The following SYNE2 variants were observed in gnomAD, a reference collection of about 807,000 sequenced individuals.
The protein encoded by SYNE2 is spectrin repeat containing nuclear envelope protein 2, also known as nesprin-2.
SYNE2 carries 431 observed loss-of-function variants against 856.3 expected under a neutral mutation model. That is an observed-to-expected ratio of 0.50 (90% CI 0.47 to 0.55). The LOEUF is 0.55. Ranked by LOEUF, SYNE2 falls within the 20% of genes least tolerant of loss-of-function variation. SYNE2 has a pLI of 0.00. For missense variants in SYNE2, 8,129 were observed against 8,023.2 expected (o/e 1.01, Z -0.50); for synonymous variants, 2,923 against 2,872.3 (o/e 1.02, Z -0.56).
At chr14:63,974,884 G>GTATATATATA (rs1261730365) in intron 11 of SYNE2, among the ~76,000 whole-genome samples, 23 of 27,272 alleles carry the variant, frequency 8.4e-4, no homozygotes, top group East Asian at 1.3e-3. Flanking sequence ...GTGTGTGTGT[G>GTATATATATA]TGTGTGTGTA....
intron 2 of SYNE2, among the ~76,000 whole-genome samples, chr14:63,924,590 A>G (rs967781779): frequency 3.3e-5 from 5 of 152,118 alleles, no homozygotes; most frequent in Admixed American, 1.3e-4. Flanking sequence ...TGTTAAATCT[A>G]TTGGTAAGTA....
rs1007865427 is a variant in SYNE2 at position 63,991,060 on chromosome 14, C to T, written c.2591C>T (p.Ala864Val). The stretch of plus-strand genomic sequence containing the variant: ...GAACTTGAATCATATATGATGAGGG[C>T]TCAGCAGTTACTGGGGCAAAGAGAG... ...QKELESYMMRAQQLLGQRESP... is the reference protein window; with the variant it reads ...QKELESYMMRVQQLLGQRESP... The change falls in exon 21 of 116, where the codon GCT becomes GTT. Residue 864 changes from alanine (A) to valine (V), a missense_variant. Coordinates refer to ENST00000555002, the MANE Select transcript of SYNE2 (RefSeq NM_182914.3). 2.3e-5 allele frequency: 37 copies of T among 1,613,960 alleles called. No homozygotes were observed. The Middle Eastern group carries it at 1.3e-3, about 57-fold the overall frequency.
At chr14:64,145,255 A>G (rs1322403507) in intron 83 of SYNE2, among the ~76,000 whole-genome samples, 4 of 151,688 alleles carry the variant, frequency 2.6e-5, no homozygotes, top group South Asian at 2.1e-4. Context: ...ATGTCATGAC[A>G]GGCTGGGCGT....
intron 1 of SYNE2, among the ~76,000 whole-genome samples, chr14:63,865,710 A>AAC (rs1895031769): frequency 3.7e-5 from 1 of 27,100 alleles, no homozygotes; most frequent in Non-Finnish European, 8.5e-5. Context: ...AAAACTCTGT[A>AAC]CCCACCCCCC....
rs575182167 is a variant in SYNE2, at chr14:64,004,905, A to G, written c.4397+1575A>G. Among the ~76,000 whole-genome samples, 6 of 152,314 alleles carry G rather than the reference A, an allele frequency of 3.9e-5. No homozygotes were observed. In the East Asian group the frequency reaches 9.6e-4, roughly 24 times the overall value. On this transcript the variant is annotated intron_variant, in intron 30 of 115. Coordinates refer to ENST00000555002, the MANE Select transcript of SYNE2 (RefSeq NM_182914.3). ...AGAGAAAGAAAGAAAAAGAAATTCTATGTAAGGAAGGAGGAGGGGATTGCT... is the reference window on the plus strand; with the variant it reads ...AGAGAAAGAAAGAAAAAGAAATTCTGTGTAAGGAAGGAGGAGGGGATTGCT...
rs769328038 is a variant in SYNE2 at position 64,070,904 on chromosome 14, G to A, written c.10691G>A (p.Cys3564Tyr). The change falls in exon 52 of 116, where the codon TGC (cysteine) becomes TAC (tyrosine). Residue 3564 changes from cysteine (C) to tyrosine (Y), a missense_variant. Around this residue, in one of 3 missense-constraint regions of SYNE2, gnomAD observed 5,410 missense variants for 5,284.8 expected, o/e 1.02. Transcript: ENST00000555002. The part of the protein sequence containing the change: ...FQEITSMKER[C>Y]NKLLQKVQKN... ...GAAATTACTTCTATGAAAGAACGAT[G>A]CAACAAGTAAGATTTATGAAAAACT... 3 of 1,614,116 alleles carry A rather than the reference G, an allele frequency of 1.9e-6. No individual in the cohort carries two copies. The highest frequency in any genetic ancestry group is 1.7e-6 in the Non-Finnish European group (2 of 1,179,976).
intron 38 of SYNE2, chr14:64,023,812 C>A: frequency 8.4e-6 from 2 of 238,686 alleles, no homozygotes; most frequent in Non-Finnish European, 1.7e-5. Flanking sequence ...ATAGAATCAC[C>A]CCTCTTCTAA....
intron 45 of SYNE2, 119 bp from the exon 46 acceptor site, chr14:64,047,881 A>G: frequency 1.8e-6 from 2 of 1,099,808 alleles, no homozygotes; most frequent in South Asian, 1.4e-5. Context: ...GCCCAAATAT[A>G]CTTTTTAAGT....
intron 113 of SYNE2, 79 bp from the exon 114 acceptor site, chr14:64,224,377 TTAAGG>T: frequency 8.4e-7 from 1 of 1,186,030 alleles, no homozygotes. Context: ...AAAGATTGAT[TTAAGG>T]TAGGGGAGGG....
intron 99 of SYNE2, among the ~76,000 whole-genome samples, chr14:64,195,835 G>A (rs897433993): frequency 4.6e-5 from 7 of 152,346 alleles, no homozygotes; most frequent in African/African-American, 1.7e-4. Context: ...GCCTGATCCA[G>A]TGGGACTGGA....
chr14:63,871,902 C>T (rs1896943773), intron 1 of SYNE2, among the ~76,000 whole-genome samples: 1 of 152,078 alleles, frequency 6.6e-6, no homozygotes, highest in Non-Finnish European at 1.5e-5. Context: ...CTTTAGCATC[C>T]TAGTTCAGAA....
At chr14:63,981,848 A>C (rs2096587929) in intron 16 of SYNE2, among the ~76,000 whole-genome samples, 1 of 152,202 alleles carries the variant, frequency 6.6e-6, no homozygotes, top group African/African-American at 2.4e-5. Flanking sequence ...GTTAATGTAA[A>C]ATTTGTGATA....
intron 52 of SYNE2, among the ~76,000 whole-genome samples, chr14:64,072,138 G>T (rs1036567881): frequency 1.4e-4 from 22 of 152,184 alleles, no homozygotes; most frequent in Admixed American, 1.1e-3. Flanking sequence ...CAACACTGCA[G>T]TGAATATTCT....
intron 32 of SYNE2, among the ~76,000 whole-genome samples, chr14:64,015,647 T>C (rs1197791612): frequency 1.3e-5 from 2 of 152,126 alleles, no homozygotes; most frequent in African/African-American, 4.8e-5. Context: ...CTTTATTTTA[T>C]TGGTTTTTTT....
intron 14 of SYNE2, among the ~76,000 whole-genome samples, chr14:63,980,350 G>A (rs2096576412): frequency 6.6e-6 from 1 of 152,166 alleles, no homozygotes; most frequent in Non-Finnish European, 1.5e-5. Context: ...GTGCAAAGTA[G>A]GAGATCCTGA....
At chr14:64,112,856 T>C (rs17825406) in intron 65 of SYNE2, among the ~76,000 whole-genome samples, 3,139 of 152,346 alleles carry the variant, frequency 0.021, 85 homozygotes, top group East Asian at 0.12. Context: ...TTTGAGAAGA[T>C]GTCAAGTTAA....
At chr14:64,036,017 T>C (rs1000657697) in intron 45 of SYNE2, among the ~76,000 whole-genome samples, 1 of 152,118 alleles carries the variant, frequency 6.6e-6, no homozygotes, top group African/African-American at 2.4e-5. Context: ...CAAAAAAGTT[T>C]GAGGAATGTA....
intron 101 of SYNE2, 133 bp from the exon 102 acceptor site, chr14:64,209,295 G>T (rs2098627692): frequency 1.4e-6 from 2 of 1,421,182 alleles, no homozygotes; most frequent in Non-Finnish European, 1.9e-6. Context: ...ACAAGAAGTG[G>T]CGTCCCTCTT....
chr14:63,779,028 T>C (rs1187360330), intron 1 of SYNE2, among the ~76,000 whole-genome samples: 1 of 151,926 alleles, frequency 6.6e-6, no homozygotes, highest in African/African-American at 2.4e-5. Context: ...AAGAAAGAAA[T>C]TAATCAACAG....
Sources: gnomAD v4.1 joint callset for allele counts (sites outside exome capture counted in the v4.1 genomes callset) on GRCh38, gnomAD v4.1.1 for gene constraint, gnomAD v4.1.1 regional missense constraint, MANE v1.5 for transcripts, NCBI Gene and HGNC (gene_info 2026-07-23, HGNC 2026-07-21) for gene names.